Variants in ODAD2 observed in about 807,000 individuals in gnomAD.
ODAD2 encodes outer dynein arm-docking complex subunit 2.
In ODAD2, 89 loss-of-function variants were observed where a neutral mutation model predicts 106.8. The observed-to-expected ratio is 0.83, with a 90% confidence interval of 0.70 to 0.99. The LOEUF (loss-of-function observed/expected upper bound fraction) is 0.99, where lower values mean the gene tolerates loss of function less well. Ranked by LOEUF, ODAD2 falls within the 50% of genes least tolerant of loss-of-function variation. The pLI is 0.00. For missense variants in ODAD2, 1,168 were observed against 1,238.5 expected (o/e 0.94, Z 0.85); for synonymous variants, 404 against 436.2 (o/e 0.93, Z 0.92).
chr10:27,886,630 A>AT (rs1431323343), intron 17 of ODAD2, among the ~76,000 whole-genome samples: 2 of 152,092 alleles, frequency 1.3e-5, no homozygotes, highest in African/African-American at 4.8e-5. Flanking sequence ...TATTACAGTA[A>AT]TTTTGTAACT....
intron 16 of ODAD2, among the ~76,000 whole-genome samples, chr10:27,927,076 A>G (rs914377315): frequency 1.3e-5 from 2 of 152,136 alleles, no homozygotes; most frequent in African/African-American, 4.8e-5. Context: ...TTTTAAAAGA[A>G]GTAGTCTGGA....
chr10:27,977,182 C>G (rs73606024), intron 7 of ODAD2, among the ~76,000 whole-genome samples: 42 of 152,038 alleles, frequency 2.8e-4, no homozygotes, highest in African/African-American at 9.9e-4. Context: ...TTTGGAAAAG[C>G]GTTATAAAAC....
Position 27,940,880 on chromosome 10 carries a change from T to C in ODAD2, c.1744-75A>G. On this transcript the variant is annotated intron_variant, in intron 12 of 19. Transcript: ENST00000305242. ...TTAAGGCATTCTTCAATAGCTACAG[T>C]GTTCCTTACCAAGCTCACCTCCGTC... 3 of 1,460,974 alleles carry C rather than the reference T, an allele frequency of 2.1e-6. 1 individual carries two copies. The highest frequency in any genetic ancestry group is 2.6e-5 in the South Asian group (2 of 78,056). 90.5% of individuals were successfully genotyped at this position (1,460,974 alleles called of 1,614,324 possible). A position where few individuals can be genotyped will look rare whatever the true frequency, so the allele number is the denominator to read the frequency against.
intron 12 of ODAD2, among the ~76,000 whole-genome samples, chr10:27,941,596 G>GT (rs371752746): frequency 0.059 from 6,767 of 114,822 alleles, 435 homozygotes; most frequent in African/African-American, 0.14. Flanking sequence ...CCAGCATCCA[G>GT]TTTTTTTTTT....
chr10:27,987,395 A>T lies in ODAD2; in HGVS notation c.373T>A (p.Cys125Ser), dbSNP rs1449031804. Reference sequence around the variant, plus strand: ...GGAGCATTAAGATCACCTTCAACACATGCTTGGGCTTCCTTCAACTTCCCA... The same window carrying T: ...GGAGCATTAAGATCACCTTCAACACTTGCTTGGGCTTCCTTCAACTTCCCA... ...KTGKLKEAQA[C>S]VEANRDPIVK... Residue 125 changes from cysteine (C) to serine (S), a missense_variant, in exon 3 of 20, where the codon TGT becomes AGT. Around this residue, in one of 3 missense-constraint regions of ODAD2, gnomAD observed 430 missense variants for 452.2 expected, o/e 0.95. Coordinates refer to ENST00000305242, the MANE Select transcript of ODAD2 (RefSeq NM_018076.5). 2 of 1,613,088 alleles carry T rather than the reference A, an allele frequency of 1.2e-6. No homozygotes were observed. Among genetic ancestry groups the T allele is most frequent in the Non-Finnish European group, 1.7e-6 (2 of 1,179,702 alleles).
intron 19 of ODAD2, among the ~76,000 whole-genome samples, chr10:27,820,287 C>T (rs1589746723): frequency 6.6e-6 from 1 of 152,008 alleles, no homozygotes; most frequent in Admixed American, 6.6e-5. Flanking sequence ...ATCTAGCCTG[C>T]GTTTCGCCCA....
chr10:27,984,025 G>C, intron 5 of ODAD2, 46 bp from the exon 6 acceptor site: 1 of 1,587,794 alleles, frequency 6.3e-7, no homozygotes, highest in Non-Finnish European at 8.5e-7. Flanking sequence ...TTAACCTAGA[G>C]TTTGGTAAAA....
chr10:27,973,168 A>G (rs902840965), intron 7 of ODAD2, among the ~76,000 whole-genome samples: 3 of 152,120 alleles, frequency 2.0e-5, no homozygotes, highest in African/African-American at 7.2e-5. Flanking sequence ...AGTTTATACA[A>G]TGCTCATAAA....
intron 19 of ODAD2, among the ~76,000 whole-genome samples, chr10:27,849,075 G>T (rs994085148): frequency 2.0e-5 from 3 of 152,038 alleles, no homozygotes; most frequent in Non-Finnish European, 2.9e-5. Flanking sequence ...GGATTATAAA[G>T]CATGCTGCTA....
At chr10:27,913,551 C>A (rs886247852) in intron 16 of ODAD2, among the ~76,000 whole-genome samples, 1 of 152,106 alleles carries the variant, frequency 6.6e-6, no homozygotes, top group Non-Finnish European at 1.5e-5. Context: ...AACAGATAAA[C>A]CCACAGAATG....
At chr10:27,873,044 G>A (rs910015821) in intron 17 of ODAD2, among the ~76,000 whole-genome samples, 16 of 127,134 alleles carry the variant, frequency 1.3e-4, no homozygotes, top group South Asian at 8.4e-4. Context: ...GCAACAATTG[G>A]TCTATTGAGG....
intron 16 of ODAD2, among the ~76,000 whole-genome samples, chr10:27,923,516 TTAA>T (rs1844939008): frequency 6.6e-6 from 1 of 152,120 alleles, no homozygotes. Flanking sequence ...TAAAAGTACA[TTAA>T]TAATAAGAGA....
At chr10:27,889,672 A>G (rs565742180) in intron 17 of ODAD2, among the ~76,000 whole-genome samples, 37 of 152,270 alleles carry the variant, frequency 2.4e-4, no homozygotes, top group African/African-American at 8.7e-4. Context: ...TCACACATGG[A>G]CACTCCCATG....
chr10:27,970,295 A>C (rs541050307), intron 8 of ODAD2, among the ~76,000 whole-genome samples: 10 of 152,210 alleles, frequency 6.6e-5, no homozygotes, highest in Non-Finnish European at 1.3e-4. Context: ...ATATAGGTCC[A>C]TTCATATTTT....
chr10:27,940,042 G>T, intron 13 of ODAD2, 35 bp from the exon 14 acceptor site: 1 of 1,411,618 alleles, frequency 7.1e-7, no homozygotes, highest in Non-Finnish European at 9.8e-7. Flanking sequence ...ATGTGTTCAA[G>T]ACGTGAATAT....
At chr10:27,815,954 T>C (rs1315995109) in intron 19 of ODAD2, among the ~76,000 whole-genome samples, 3 of 152,190 alleles carry the variant, frequency 2.0e-5, no homozygotes, top group African/African-American at 7.2e-5. Context: ...ATTTTTTCTA[T>C]ATAAACATGA....
chr10:27,918,592 A>C (rs1281173321), intron 16 of ODAD2, among the ~76,000 whole-genome samples: 1 of 151,954 alleles, frequency 6.6e-6, no homozygotes, highest in South Asian at 2.1e-4. Flanking sequence ...CACTAACATC[A>C]CACTTAATGG....
At chr10:27,847,360 AC>A (rs1457345544) in intron 19 of ODAD2, among the ~76,000 whole-genome samples, 1 of 152,238 alleles carries the variant, frequency 6.6e-6, no homozygotes, top group Admixed American at 6.5e-5. Context: ...AAGGCCTTTG[AC>A]AAAATTCAAC....
At chr10:27,975,493 T>G (rs937171823) in intron 7 of ODAD2, among the ~76,000 whole-genome samples, 1 of 152,106 alleles carries the variant, frequency 6.6e-6, no homozygotes, top group African/African-American at 2.4e-5. Context: ...AAGAGAATAC[T>G]ATGAAAAAAG....
Sources: allele counts gnomAD v4.1 joint callset (sites outside exome capture counted in the v4.1 genomes callset), GRCh38; gene constraint gnomAD v4.1.1; regional missense constraint gnomAD v4.1.1; transcripts MANE v1.5; gene names NCBI Gene and HGNC (gene_info 2026-07-23, HGNC 2026-07-21).